TALDO1: variants seen among roughly 807,000 people sequenced by gnomAD.
TALDO1 encodes transaldolase 1.
A neutral mutation model predicts 38.1 loss-of-function variants in TALDO1; 29 were observed. That is an observed-to-expected ratio of 0.76 (90% CI 0.57 to 1.04). The LOEUF is 1.04. Ranked by LOEUF, TALDO1 falls within the 50% of genes least tolerant of loss-of-function variation. The pLI is 0.00. For synonymous variants in TALDO1, 207 were observed against 176.8 expected (o/e 1.17, Z -1.36); for missense variants, 499 against 438.1 (o/e 1.14, Z -1.24).
chr11:764,955 C>T lies in TALDO1; in HGVS notation c.*110C>T. The T allele has an allele frequency of 4.8e-6, 7 of 1,465,990 alleles. No homozygotes were observed. The highest frequency in any genetic ancestry group is 2.3e-5 in the East Asian group (1 of 44,014). The allele number at this position is 1,465,990 out of a possible 1,614,324, so 90.8% of individuals were successfully genotyped here. On this transcript the variant is annotated 3_prime_UTR_variant, in exon 8 of 8. Transcript: ENST00000319006. ...TTTACAAATTGGAGCAGGGACAGAT[C>T]ATAGATTTCTGATTTTATGTAAAAT...
At chr11:757,964 C>CT (rs1409291642) in intron 2 of TALDO1, among the ~76,000 whole-genome samples, 2 of 152,156 alleles carry the variant, frequency 1.3e-5, no homozygotes, top group Admixed American at 6.6e-5. Flanking sequence ...GGGCAAAACT[C>CT]TGTCTCTACA....
At chr11:750,756 C>T (rs530476814) in intron 1 of TALDO1, among the ~76,000 whole-genome samples, 2 of 150,866 alleles carry the variant, frequency 1.3e-5, no homozygotes, top group East Asian at 2.0e-4. Flanking sequence ...ACCTGGGAGG[C>T]GGAGCTTGCA....
intron 1 of TALDO1, among the ~76,000 whole-genome samples, chr11:750,811 C>T (rs539276773): frequency 1.5e-4 from 22 of 149,846 alleles, no homozygotes; most frequent in South Asian, 8.4e-4. Flanking sequence ...GGCGACAGAG[C>T]GAGACTCTGT....
chr11:763,883 G>T lies in TALDO1; in HGVS notation c.774G>T (p.Lys258Asn), dbSNP rs550886986. The T allele has an allele frequency of 6.2e-7, 1 of 1,613,562 alleles. No homozygotes were observed. The highest frequency in any genetic ancestry group is 1.1e-5 in the South Asian group (1 of 91,092). ...GTGACTTCCTCACCATCTCACCCAA[G>T]CTCCTGGGAGAGCTGCTGCAGGACA... ...AGCDFLTISP[K>N]LLGELLQDNA... Residue 258 changes from lysine to asparagine, a missense_variant, in exon 6 of 8, where the codon AAG becomes AAT. Coordinates refer to ENST00000319006, the MANE Select transcript of TALDO1 (RefSeq NM_006755.2).
chr11:764,204 T>G, intron 6 of TALDO1, 84 bp from the exon 7 acceptor site: 1 of 1,607,996 alleles, frequency 6.2e-7, no homozygotes, highest in East Asian at 2.2e-5. Context: ...GATGCTTGGG[T>G]GCAGCAGTTC....
intron 2 of TALDO1, among the ~76,000 whole-genome samples, chr11:756,787 G>C (rs762665644): frequency 6.6e-6 from 1 of 152,046 alleles, no homozygotes; most frequent in East Asian, 1.9e-4. Context: ...CACAGTGCTC[G>C]GATTACAGAC....
At chr11:764,584 C>T in intron 7 of TALDO1, 151 bp downstream of exon 7, 2 of 1,396,606 alleles carry the variant, frequency 1.4e-6, no homozygotes, top group Non-Finnish European at 2.0e-6. Flanking sequence ...TTGAGGCCAT[C>T]CCAGGGTGGA....
At chr11:752,559 T>C (rs1374485055) in intron 1 of TALDO1, 1 of 152,168 alleles carries the variant, frequency 6.6e-6, no homozygotes, top group Non-Finnish European at 1.5e-5. Flanking sequence ...ACTTCAGTCA[T>C]GTCTCTCCAG....
At chr11:747,601 G>A in intron 1 of TALDO1, 23 bp downstream of exon 1, 1 of 1,547,812 alleles carries the variant, frequency 6.5e-7, no homozygotes, top group Non-Finnish European at 8.7e-7. Context: ...CGGAGCCCGG[G>A]CGCGGCGCAA....
intron 2 of TALDO1, among the ~76,000 whole-genome samples, chr11:756,512 ATTTTTTTTT>A (rs34721664): frequency 6.9e-5 from 8 of 115,394 alleles, no homozygotes; most frequent in Non-Finnish European, 3.5e-5. Context: ...TCATTTTTGT[ATTTTTTTTT>A]TTTTTTTTTT....
intron 1 of TALDO1, among the ~76,000 whole-genome samples, chr11:747,913 C>T (rs1287445664): frequency 1.3e-5 from 2 of 152,206 alleles, no homozygotes; most frequent in South Asian, 2.1e-4. Flanking sequence ...GCGGGCGGTA[C>T]TGACGGGTCC....
rs192262256 is a variant in TALDO1 at position 749,532 on chromosome 11, T to C, written c.97+1954T>C. On this transcript the variant is annotated intron_variant, in intron 1 of 7. Coordinates refer to ENST00000319006, the MANE Select transcript of TALDO1 (RefSeq NM_006755.2). ...TATAGTTGTAAAATAGTCTGTTGGG[T>C]TTGTGATCTGTAGTTTGTGAAGTGA... is the stretch of plus-strand genomic sequence containing the variant. Among the ~76,000 whole-genome samples the C allele has an allele frequency of 3.7e-3, 561 of 152,192 alleles. 2 individuals carry two copies. Among genetic ancestry groups the C allele is most frequent in the African/African-American group, 0.012 (508 of 41,526 alleles).
chr11:763,215 ACCTGCC>A (rs1564993987), intron 4 of TALDO1, 123 bp from the exon 5 acceptor site: 6 of 21,268 alleles, frequency 2.8e-4, no homozygotes, highest in Admixed American at 5.4e-4. Context: ...CCCCGCCCTC[ACCTGCC>A]CCCGCCCTCA....
intron 2 of TALDO1, among the ~76,000 whole-genome samples, chr11:756,512 ATTTTTTTTTTT>A (rs34721664): frequency 8.7e-6 from 1 of 115,394 alleles, no homozygotes; most frequent in Non-Finnish European, 1.7e-5. Context: ...TCATTTTTGT[ATTTTTTTTTTT>A]TTTTTTTTTG....
At chr11:756,705 A>G (rs141505762) in intron 2 of TALDO1, among the ~76,000 whole-genome samples, 1,898 of 152,086 alleles carry the variant, frequency 0.012, 41 homozygotes, top group African/African-American at 0.044. Context: ...TTTGGTGGAG[A>G]CAGGGTTTCA....
Position 764,980 on chromosome 11 carries a change from T to C in TALDO1, c.*135T>C. 1 of 1,272,764 alleles carries C rather than the reference T, an allele frequency of 7.9e-7. No homozygotes were observed. The highest frequency in any genetic ancestry group is 2.4e-5 in the East Asian group (1 of 41,546). The allele number at this position is 1,272,764 out of a possible 1,614,324, so 78.8% of individuals were successfully genotyped here. On this transcript the variant is annotated 3_prime_UTR_variant, in exon 8 of 8. Transcript: ENST00000319006. ...CATAGATTTCTGATTTTATGTAAAA[T>C]TTTGCCTAATACATTAAAGCAGTCA...
intron 1 of TALDO1, among the ~76,000 whole-genome samples, chr11:754,073 C>G (rs781430586): frequency 2.0e-5 from 3 of 152,076 alleles, no homozygotes; most frequent in Non-Finnish European, 2.9e-5. Flanking sequence ...CAACCTCCAC[C>G]TCCCGGGTCC....
At chr11:759,248 A>G (rs1232699395) in intron 3 of TALDO1, among the ~76,000 whole-genome samples, 191 bp downstream of exon 3, 1 of 152,000 alleles carries the variant, frequency 6.6e-6, no homozygotes, top group African/African-American at 2.4e-5. Context: ...ACTGATCTCT[A>G]GTGTTTTTTA....
rs1018790607 is a variant in TALDO1, at chr11:760,481, G to T, written c.461+228G>T. On this transcript the variant is annotated intron_variant, in intron 4 of 7. Transcript: ENST00000319006. ...TCAGAAATGAGGGATTTCCCAGGAAGTACCATCCACCCACTCAGCAGAGAA... is the reference window on the plus strand; with the variant it reads ...TCAGAAATGAGGGATTTCCCAGGAATTACCATCCACCCACTCAGCAGAGAA... The T allele has an allele frequency of 5.1e-6, 3 of 590,650 alleles. No homozygotes were observed. The African/African-American group carries it at 5.6e-5, about 11-fold the overall frequency. The allele number at this position is 590,650 out of a possible 1,614,324, so 36.6% of individuals were successfully genotyped here. A position where few individuals can be genotyped will look rare whatever the true frequency, so the allele number is the denominator to read the frequency against.
Sources: allele counts gnomAD v4.1 joint callset (sites outside exome capture counted in the v4.1 genomes callset), GRCh38; gene constraint gnomAD v4.1.1; transcripts MANE v1.5; gene names NCBI Gene and HGNC (gene_info 2026-07-23, HGNC 2026-07-21).